MTSS1: variants seen among roughly 807,000 people sequenced by gnomAD.
MTSS1 encodes the protein MTSS I-BAR domain containing 1, also known as protein MTSS 1.
In MTSS1, 18 loss-of-function variants were observed where a neutral mutation model predicts 79.0. That is an observed-to-expected ratio of 0.23 (90% CI 0.16 to 0.34). The LOEUF (loss-of-function observed/expected upper bound fraction) is 0.34, where lower values mean the gene tolerates loss of function less well. MTSS1 is among the 10% of genes least tolerant of loss of function. The probability of loss-of-function intolerance (pLI) is 1.00; values close to 1 mark genes in which losing one functional copy is unlikely to be tolerated. For missense variants in MTSS1, 815 were observed against 986.2 expected, an observed-to-expected ratio of 0.83 and a Z score of 2.33; for synonymous variants, 341 against 368.6, an observed-to-expected ratio of 0.93 and a Z score of 0.86.
chr8:124,603,686 C>T (rs1213262356), intron 3 of MTSS1, among the ~76,000 whole-genome samples: 2 of 152,152 alleles, frequency 1.3e-5, no homozygotes, highest in East Asian at 1.9e-4. Context: ...CAACCAGTTT[C>T]TGGTATCACA....
At chr8:124,679,975 T>G (rs1230165141) in intron 3 of MTSS1, among the ~76,000 whole-genome samples, 1 of 152,234 alleles carries the variant, frequency 6.6e-6, no homozygotes, top group Admixed American at 6.5e-5. Flanking sequence ...TGCCAAGACA[T>G]TCTTTAAACT....
In MTSS1 at chr8:124,597,533, G is replaced by A. The variant is rs934112168; in HGVS notation, c.209-6298C>T. Among the ~76,000 whole-genome samples, 2 of 152,238 alleles carry A rather than the reference G, an allele frequency of 1.3e-5. No homozygotes were observed. The highest frequency in any genetic ancestry group is 2.9e-5 in the Non-Finnish European group (2 of 68,042). On this transcript the variant is annotated intron_variant, in intron 3 of 13. Transcript: ENST00000518547. The surrounding 1 kb of genome is among the most constrained non-coding windows in gnomAD (Gnocchi z 4.6). Reference sequence around the variant, plus strand: ...TGCTGCAGAGACCTGGCAGCGACAGGCAGGACGGTGGGTCCTTCGAGTGGC... The same window carrying A: ...TGCTGCAGAGACCTGGCAGCGACAGACAGGACGGTGGGTCCTTCGAGTGGC...
At chr8:124,678,722 A>T (rs531737445) in intron 3 of MTSS1, among the ~76,000 whole-genome samples, 1 of 152,318 alleles carries the variant, frequency 6.6e-6, no homozygotes, top group African/African-American at 2.4e-5. Flanking sequence ...GTGGGGACAC[A>T]GCCAAGCCCT....
chr8:124,599,507 G>GAA (rs1833397259), intron 3 of MTSS1, among the ~76,000 whole-genome samples: 1 of 150,024 alleles, frequency 6.7e-6, no homozygotes, highest in Non-Finnish European at 1.5e-5. Context: ...AAAAAAGAGA[G>GAA]AGAGAAAGAA....
intron 3 of MTSS1, among the ~76,000 whole-genome samples, chr8:124,660,428 G>A (rs922306908): frequency 5.2e-5 from 6 of 115,404 alleles, no homozygotes; most frequent in East Asian, 2.7e-4. Flanking sequence ...TTGCCCATGC[G>A]CATGCACACA....
intron 3 of MTSS1, among the ~76,000 whole-genome samples, chr8:124,659,522 G>GC (rs1821611114): frequency 6.6e-6 from 1 of 152,124 alleles, no homozygotes; most frequent in African/African-American, 2.4e-5. Flanking sequence ...AAATCACATG[G>GC]CGCTGCTCAG....
intron 5 of MTSS1, among the ~76,000 whole-genome samples, chr8:124,589,123 C>T (rs899492477): frequency 4.0e-5 from 6 of 150,736 alleles, no homozygotes; most frequent in Admixed American, 6.6e-5. Flanking sequence ...CTCTGACTCC[C>T]GGGTTCAAGC....
At chr8:124,575,186 C>T (rs887712238) in intron 6 of MTSS1, among the ~76,000 whole-genome samples, 1 of 152,196 alleles carries the variant, frequency 6.6e-6, no homozygotes. Flanking sequence ...CTTTATAAGT[C>T]ATCTTCTACT....
intron 3 of MTSS1, among the ~76,000 whole-genome samples, chr8:124,691,008 G>A (rs540970498): frequency 6.6e-6 from 1 of 152,206 alleles, no homozygotes; most frequent in South Asian, 2.1e-4. Flanking sequence ...TTCATAGAAA[G>A]CACACCCCAA....
At chr8:124,580,712 A>G in intron 6 of MTSS1, 1 of 808,596 alleles carries the variant, frequency 1.2e-6, no homozygotes, top group Non-Finnish European at 2.0e-6. Context: ...ATTTTCTATT[A>G]GGGCTGATTA....
intron 3 of MTSS1, among the ~76,000 whole-genome samples, chr8:124,644,067 A>T (rs1818571869): frequency 1.3e-5 from 2 of 152,190 alleles, no homozygotes; most frequent in Non-Finnish European, 2.9e-5. Context: ...AAGAGAAAGA[A>T]TAGGATTCCC....
At position 124,559,056 on chromosome 8, in the gene MTSS1, A is replaced by G. The variant is rs535423954; in HGVS notation, c.1036-1181T>C. ...ATGCAGAGGCTTTCGAGCCCTTGAA[A>G]AGAAGCGTGCGACCCGGCCAGCCCT... On this transcript the variant is annotated intron_variant, in intron 10 of 13. Transcript: ENST00000518547. Among the ~76,000 whole-genome samples the G allele has an allele frequency of 2.0e-5, 3 of 152,302 alleles. No individual in the cohort carries two copies. In the South Asian group the frequency reaches 6.2e-4, roughly 32 times the overall value.
At chr8:124,558,108 C>T (rs771016843) in intron 10 of MTSS1, 31 of 444,326 alleles carry the variant, frequency 7.0e-5, no homozygotes, top group African/African-American at 1.2e-4. Context: ...GTTTGACCTA[C>T]GTTTTAGAAG....
intron 9 of MTSS1, 195 bp from the exon 10 acceptor site, chr8:124,563,187 G>C (rs994640575): frequency 3.4e-6 from 2 of 593,184 alleles, no homozygotes; most frequent in African/African-American, 1.9e-5. Flanking sequence ...CATGAAGGTA[G>C]TCAACAAAAT....
intron 9 of MTSS1, among the ~76,000 whole-genome samples, chr8:124,565,305 C>T (rs1381629471): frequency 6.6e-6 from 1 of 152,220 alleles, no homozygotes; most frequent in Non-Finnish European, 1.5e-5. Flanking sequence ...ACAGTGAGAT[C>T]AGCCTGTGTA....
chr8:124,611,382 G>A (rs567071859), intron 3 of MTSS1, among the ~76,000 whole-genome samples: 7 of 152,150 alleles, frequency 4.6e-5, no homozygotes, highest in Non-Finnish European at 7.4e-5. Flanking sequence ...CTGCTACAAG[G>A]AGCGGCGTGA....
At chr8:124,697,937 T>G (rs1174245901) in intron 3 of MTSS1, 1 of 152,174 alleles carries the variant, frequency 6.6e-6, no homozygotes, top group African/African-American at 2.4e-5. Context: ...AAATATTACC[T>G]CCCCTAGGAA....
chr8:124,714,522 G>C (rs1003158448), intron 1 of MTSS1, among the ~76,000 whole-genome samples: 14 of 152,158 alleles, frequency 9.2e-5, no homozygotes, highest in African/African-American at 3.1e-4. Flanking sequence ...GAGTGCAGTG[G>C]TGCTGTCTTG....
chr8:124,708,841 CT>C (rs1830743928), intron 1 of MTSS1, among the ~76,000 whole-genome samples: 1 of 151,286 alleles, frequency 6.6e-6, no homozygotes, highest in African/African-American at 2.4e-5. Context: ...TCAGGCCCAC[CT>C]GTTTTAGGCA....
Sources: allele counts gnomAD v4.1 joint callset (sites outside exome capture counted in the v4.1 genomes callset), GRCh38; gene constraint gnomAD v4.1.1; non-coding constraint Gnocchi (gnomAD v3.1); transcripts MANE v1.5; gene names NCBI Gene and HGNC (gene_info 2026-07-23, HGNC 2026-07-21).